The following LHFPL3 variants were observed in gnomAD, a reference collection of about 807,000 sequenced individuals.
LHFPL3 encodes LHFPL tetraspan subfamily member 3, also known as LHFPL tetraspan subfamily member 3 protein.
LHFPL3 carries 5 observed loss-of-function variants against 19.3 expected under a neutral mutation model. The observed-to-expected ratio is 0.26, with a 90% confidence interval of 0.14 to 0.54. The LOEUF (loss-of-function observed/expected upper bound fraction) is 0.54. LHFPL3 is among the 20% of genes least tolerant of loss of function. The pLI is 0.94. For synonymous variants in LHFPL3, 133 were observed against 126.2 expected, an observed-to-expected ratio of 1.05 and a Z score of -0.36; for missense variants, 249 against 307.4, an observed-to-expected ratio of 0.81 and a Z score of 1.42.
At chr7:104,431,882 G>A (rs1483207596) in intron 1 of LHFPL3, among the ~76,000 whole-genome samples, 38 of 152,044 alleles carry the variant, frequency 2.5e-4, no homozygotes, top group Admixed American at 2.4e-3. Context: ...AATCTCCTTG[G>A]TTTGTGGTCT....
chr7:104,577,748 G>T (rs1391779209), intron 1 of LHFPL3, among the ~76,000 whole-genome samples: 1 of 152,126 alleles, frequency 6.6e-6, no homozygotes, highest in Non-Finnish European at 1.5e-5. Context: ...ATAATGTAAG[G>T]CATATTGAAC....
At position 104,906,394 on chromosome 7, in the gene LHFPL3, A is replaced by C. The variant is rs1792616605; in HGVS notation, c.*179A>C. The C allele has an allele frequency of 1.5e-6, 1 of 667,382 alleles. No homozygotes were observed. Among genetic ancestry groups the C allele is most frequent in the Non-Finnish European group, 2.4e-6 (1 of 409,386 alleles). The allele number at this position is 667,382 out of a possible 1,614,324, so 41.3% of individuals were successfully genotyped here. The stretch of plus-strand genomic sequence containing the variant: ...ACGCACTTTCTAAATCTAGATCAGC[A>C]GAGATGGGAGTGATTTTCTGGAAAG... On this transcript the variant is annotated 3_prime_UTR_variant, in exon 3 of 3. Transcript: ENST00000424859.
chr7:104,787,945 A>G (rs546596811), intron 2 of LHFPL3, among the ~76,000 whole-genome samples: 1 of 152,306 alleles, frequency 6.6e-6, no homozygotes, highest in South Asian at 2.1e-4. Flanking sequence ...TAGGTTTTCA[A>G]CAAATGAATT....
intron 1 of LHFPL3, among the ~76,000 whole-genome samples, chr7:104,616,094 A>G (rs1424001327): frequency 2.0e-5 from 3 of 152,218 alleles, no homozygotes; most frequent in Non-Finnish European, 2.9e-5. Flanking sequence ...TGCTATCCCC[A>G]TCAAGCTACC....
At chr7:104,653,519 C>G (rs2115950029) in intron 1 of LHFPL3, among the ~76,000 whole-genome samples, 1 of 152,260 alleles carries the variant, frequency 6.6e-6, no homozygotes, top group African/African-American at 2.4e-5. Flanking sequence ...CTTTATAGGC[C>G]ATATATGGTG....
chr7:104,812,110 T>C (rs1331944005), intron 2 of LHFPL3, among the ~76,000 whole-genome samples: 1 of 152,242 alleles, frequency 6.6e-6, no homozygotes, highest in Admixed American at 6.5e-5. Flanking sequence ...TTTCTGTTTG[T>C]TGTCAATGCT....
intron 1 of LHFPL3, among the ~76,000 whole-genome samples, chr7:104,676,110 T>C (rs897871392): frequency 6.6e-6 from 1 of 152,238 alleles, no homozygotes; most frequent in Non-Finnish European, 1.5e-5. Flanking sequence ...CTGAGAAGTA[T>C]AGAAGAGTAA....
chr7:104,689,517 A>G (rs1392746322), intron 1 of LHFPL3, among the ~76,000 whole-genome samples: 1 of 152,182 alleles, frequency 6.6e-6, no homozygotes, highest in Admixed American at 6.5e-5. Context: ...CCAGACTTGA[A>G]CCAGTTTACA....
intron 1 of LHFPL3, among the ~76,000 whole-genome samples, chr7:104,453,727 G>C (rs1792488617): frequency 6.6e-6 from 1 of 152,048 alleles, no homozygotes; most frequent in Non-Finnish European, 1.5e-5. Context: ...CTCATGAATG[G>C]CTTGTGCCAT....
chr7:104,362,495 A>G (rs1344440509), intron 1 of LHFPL3, among the ~76,000 whole-genome samples: 5 of 152,362 alleles, frequency 3.3e-5, no homozygotes, highest in Admixed American at 2.6e-4. Context: ...GGATTTTATT[A>G]TAAATGTTAT....
chr7:104,543,095 T>C (rs375410778), intron 1 of LHFPL3, among the ~76,000 whole-genome samples: 9 of 151,964 alleles, frequency 5.9e-5, no homozygotes, highest in African/African-American at 2.2e-4. Context: ...TAAGTGTGAG[T>C]TGAACAATGA....
At chr7:104,364,298 A>G (rs1790444024) in intron 1 of LHFPL3, among the ~76,000 whole-genome samples, 1 of 152,226 alleles carries the variant, frequency 6.6e-6, no homozygotes, top group Admixed American at 6.5e-5. Context: ...TGCCTTCTTC[A>G]GCATGTGGTC....
chr7:104,593,634 T>C (rs1449339915), intron 1 of LHFPL3, among the ~76,000 whole-genome samples: 1 of 152,298 alleles, frequency 6.6e-6, no homozygotes, highest in East Asian at 1.9e-4. Flanking sequence ...ATGTTGACAG[T>C]GGGGTGTTAA....
intron 1 of LHFPL3, among the ~76,000 whole-genome samples, chr7:104,636,933 T>G (rs1383247548): frequency 1.3e-5 from 2 of 152,240 alleles, no homozygotes; most frequent in East Asian, 3.8e-4. Context: ...ATGGTAGTTC[T>G]GTTTTTAGCT....
chr7:104,833,090 A>T (rs1791013745), intron 2 of LHFPL3, among the ~76,000 whole-genome samples: 1 of 94,456 alleles, frequency 1.1e-5, no homozygotes, highest in Non-Finnish European at 2.0e-5. Flanking sequence ...TATCTAATAT[A>T]TATAATAGGA....
chr7:104,538,910 A>T (rs1794437832), intron 1 of LHFPL3, among the ~76,000 whole-genome samples: 1 of 152,200 alleles, frequency 6.6e-6, no homozygotes. Flanking sequence ...TTAAAATCAG[A>T]GAACCTTTCC....
intron 2 of LHFPL3, among the ~76,000 whole-genome samples, chr7:104,763,566 G>A (rs954243692): frequency 1.3e-5 from 2 of 152,260 alleles, no homozygotes; most frequent in Admixed American, 6.5e-5. Flanking sequence ...AAGAGGCAGA[G>A]GCCATGCCCC....
At chr7:104,892,868 CT>C (rs373553277) in intron 2 of LHFPL3, among the ~76,000 whole-genome samples, 52 of 151,890 alleles carry the variant, frequency 3.4e-4, no homozygotes, top group African/African-American at 1.1e-3. Context: ...CTGCTTTATT[CT>C]TTTATTATGG....
intron 1 of LHFPL3, among the ~76,000 whole-genome samples, chr7:104,547,698 A>T (rs981685375): frequency 6.6e-6 from 1 of 152,188 alleles, no homozygotes; most frequent in Non-Finnish European, 1.5e-5. Context: ...CAGACAGCAC[A>T]TGAGCCCACC....
Sources: gnomAD v4.1 joint callset for allele counts (sites outside exome capture counted in the v4.1 genomes callset) on GRCh38, gnomAD v4.1.1 for gene constraint, MANE v1.5 for transcripts, NCBI Gene and HGNC (gene_info 2026-07-23, HGNC 2026-07-21) for gene names.